Variants in SLC7A7 observed in about 807,000 individuals in gnomAD.
SLC7A7 encodes the protein solute carrier family 7 member 7, also known as Y+L amino acid transporter 1.
In SLC7A7, 39 loss-of-function variants were observed where a neutral mutation model predicts 47.9. The ratio of observed to expected loss-of-function variants is 0.81; its 90% CI spans 0.63 to 1.06. SLC7A7 has a LOEUF of 1.06. Among genes scored for constraint, SLC7A7 ranks in the 50% least tolerant of loss-of-function variants. The probability of loss-of-function intolerance (pLI) is 0.00; values close to 1 mark genes in which losing one functional copy is unlikely to be tolerated. For missense variants in SLC7A7, 588 were observed against 632.0 expected (o/e 0.93, Z 0.75); for synonymous variants, 234 against 242.8 (o/e 0.96, Z 0.34).
At chr14:22,810,039 CAAAAAA>C (rs34386018) in intron 2 of SLC7A7, among the ~76,000 whole-genome samples, 3 of 60,694 alleles carry the variant, frequency 4.9e-5, no homozygotes, top group African/African-American at 1.5e-4. Flanking sequence ...AACACTGTCT[CAAAAAA>C]AAAAAAAAAA....
chr14:22,806,864 C>T (rs918434884), intron 2 of SLC7A7, among the ~76,000 whole-genome samples: 14 of 149,960 alleles, frequency 9.3e-5, no homozygotes, highest in Admixed American at 2.0e-4. Context: ...CCCCGACCCC[C>T]GGCAAAAAGT....
chr14:22,776,999 C>G (rs946281751), intron 4 of SLC7A7, among the ~76,000 whole-genome samples: 1 of 150,854 alleles, frequency 6.6e-6, no homozygotes, highest in Non-Finnish European at 1.5e-5. Context: ...AAAAATTAGC[C>G]AAGCGTGGTG....
chr14:22,813,532 C>T, intron 1 of SLC7A7, 92 bp from the exon 2 acceptor site: 1 of 1,114,628 alleles, frequency 9.0e-7, no homozygotes, highest in Non-Finnish European at 1.3e-6. Context: ...ACGGGCAGCT[C>T]ACCAACCAAT....
chr14:22,778,193 AG>A (rs1234336353), intron 4 of SLC7A7, among the ~76,000 whole-genome samples: 4 of 152,212 alleles, frequency 2.6e-5, no homozygotes, highest in Non-Finnish European at 5.9e-5. Context: ...CCTCAATTAC[AG>A]ATAAGGAAAC....
At chr14:22,786,633 C>G (rs1182420472) in intron 2 of SLC7A7, among the ~76,000 whole-genome samples, 2 of 152,144 alleles carry the variant, frequency 1.3e-5, no homozygotes, top group Non-Finnish European at 2.9e-5. Context: ...CTTTCTGGAC[C>G]TATAAAAATG....
intron 2 of SLC7A7, among the ~76,000 whole-genome samples, chr14:22,802,529 G>A (rs2039134429): frequency 6.6e-6 from 1 of 152,150 alleles, no homozygotes; most frequent in Non-Finnish European, 1.5e-5. Context: ...CTTACAAGAT[G>A]GTAGATGTTT....
chr14:22,813,262 A>G lies in SLC7A7; in HGVS notation c.137T>C (p.Ile46Thr). Residue 46 changes from isoleucine (I) to threonine (T), a missense_variant, in exon 2 of 10, where the codon ATT becomes ACT. By Grantham distance (89) the Ile-to-Thr change is moderately conservative (BLOSUM62 -1). Coordinates refer to ENST00000674313, the MANE Select transcript of SLC7A7 (RefSeq NM_003982.4). ...EISLLNGVCL[I>T]VGNMIGSGIF... ...GCCCGAGCCGATCATGTTCCCCACA[A>G]TCAGGCACACGCCGTTAAGCAGTGA... The G allele has an allele frequency of 6.2e-7, 1 of 1,613,954 alleles. No homozygotes were observed. The highest frequency in any genetic ancestry group is 8.5e-7 in the Non-Finnish European group (1 of 1,179,812).
intron 2 of SLC7A7, among the ~76,000 whole-genome samples, chr14:22,790,057 A>G (rs1303787161): frequency 6.6e-6 from 1 of 152,168 alleles, no homozygotes; most frequent in Non-Finnish European, 1.5e-5. Context: ...GGCTGGGCAC[A>G]GTGGCTCGCT....
At chr14:22,805,573 T>C (rs1485391959) in intron 2 of SLC7A7, among the ~76,000 whole-genome samples, 1 of 151,910 alleles carries the variant, frequency 6.6e-6, no homozygotes, top group East Asian at 1.9e-4. Context: ...TGAGAACACA[T>C]AGACAAATGC....
chr14:22,817,961 A>C (rs1413466100), upstream of SLC7A7, among the ~76,000 whole-genome samples: 1 of 152,084 alleles, frequency 6.6e-6, no homozygotes, highest in Non-Finnish European at 1.5e-5. Context: ...TGCAGGGATA[A>C]GAGGTGATTA....
chr14:22,804,113 AT>A (rs1483859780), intron 2 of SLC7A7, among the ~76,000 whole-genome samples: 1 of 152,168 alleles, frequency 6.6e-6, no homozygotes, highest in East Asian at 1.9e-4. Flanking sequence ...AGGATTCCGT[AT>A]TTAATAAATG....
intron 2 of SLC7A7, among the ~76,000 whole-genome samples, chr14:22,795,020 T>C (rs1248853638): frequency 1.3e-5 from 2 of 151,826 alleles, no homozygotes; most frequent in Non-Finnish European, 1.5e-5. Context: ...TTCTCCCCAG[T>C]GGTTCAGATT....
chr14:22,795,386 C>CTTGCTTGCTTTCTT (rs746407012), intron 2 of SLC7A7, among the ~76,000 whole-genome samples: 7 of 24,712 alleles, frequency 2.8e-4, no homozygotes, highest in Admixed American at 5.1e-4. Flanking sequence ...TGCTTGCTTG[C>CTTGCTTGCTTTCTT]TTTCTTTCTT....
chr14:22,789,086 C>A (rs8020146), intron 2 of SLC7A7, among the ~76,000 whole-genome samples: 31 of 152,212 alleles, frequency 2.0e-4, no homozygotes, highest in African/African-American at 7.2e-4. Context: ...AATTCATACA[C>A]GTTACTAATG....
At position 22,795,589 on chromosome 14, in the gene SLC7A7, C is replaced by T. The variant is rs373736977; in HGVS notation, c.500-15538G>A. Among the ~76,000 whole-genome samples the T allele has an allele frequency of 1.4e-4, 22 of 152,072 alleles. 1 individual carries two copies. In the East Asian group the frequency reaches 4.1e-3, roughly 28 times the overall value. ...TCCCGGGTTCACACCATTCTCCTGC[C>T]TCAGCCTCCCGAGTAGCTGGGACCA... On this transcript the variant is annotated intron_variant, in intron 2 of 9. Coordinates refer to ENST00000674313, the MANE Select transcript of SLC7A7 (RefSeq NM_003982.4).
intron 2 of SLC7A7, among the ~76,000 whole-genome samples, chr14:22,788,499 T>C (rs1297376815): frequency 2.0e-5 from 3 of 151,792 alleles, no homozygotes; most frequent in Admixed American, 6.6e-5. Context: ...AGTCAGGAGT[T>C]TGAGATCAGC....
chr14:22,815,904 A>G, upstream of SLC7A7: 1 of 352,862 alleles, frequency 2.8e-6, no homozygotes, highest in South Asian at 2.1e-5. Context: ...AGATTACAGG[A>G]AGTGTAAGAG....
upstream of SLC7A7, among the ~76,000 whole-genome samples, chr14:22,818,968 TCTCTGAACACC>T (rs2039442498): frequency 2.0e-5 from 3 of 152,108 alleles, no homozygotes; most frequent in Non-Finnish European, 4.4e-5. Context: ...GATGCATTCA[TCTCTGAACACC>T]CAGTGAAGAT....
At chr14:22,802,890 T>A (rs1433762365) in intron 2 of SLC7A7, among the ~76,000 whole-genome samples, 2 of 151,702 alleles carry the variant, frequency 1.3e-5, no homozygotes, top group Admixed American at 6.6e-5. Context: ...CAATCCCCCA[T>A]GCACCCCCAC....
Sources: gnomAD v4.1 joint callset for allele counts (sites outside exome capture counted in the v4.1 genomes callset) on GRCh38, gnomAD v4.1.1 for gene constraint, MANE v1.5 for transcripts, NCBI Gene and HGNC (gene_info 2026-07-23, HGNC 2026-07-21) for gene names.